The following JAG1 variants were observed in gnomAD, a reference collection of about 807,000 sequenced individuals.
The protein encoded by JAG1 is jagged canonical Notch ligand 1.
In JAG1, 23 loss-of-function variants were observed where a neutral mutation model predicts 148.7. The observed-to-expected ratio is 0.15, with a 90% CI of 0.11 to 0.22. The LOEUF is 0.22. JAG1 is among the 10% of genes least tolerant of loss of function. JAG1 has a pLI of 1.00. For missense variants in JAG1, 1,054 were observed against 1,611.2 expected (o/e 0.65, Z 5.92); for synonymous variants, 572 against 598.3 (o/e 0.96, Z 0.64).
intron 3 of JAG1, among the ~76,000 whole-genome samples, chr20:10,659,956 A>C (rs2067405223): frequency 6.6e-6 from 1 of 152,178 alleles, no homozygotes; most frequent in African/African-American, 2.4e-5. Flanking sequence ...GCACTAAATC[A>C]GCACCCCAAC....
At position 10,649,503 on chromosome 20, in the gene JAG1, T is replaced by C. The variant is rs902071933; in HGVS notation, c.1348+19A>G. 1 of 1,503,262 alleles carries C rather than the reference T, an allele frequency of 6.7e-7. No homozygotes were observed. Among genetic ancestry groups the C allele is most frequent in the Non-Finnish European group, 9.3e-7 (1 of 1,079,112 alleles). 93.1% of individuals were successfully genotyped at this position (1,503,262 alleles called of 1,614,324 possible). ...TACCCAAGTTTCATGAAAATCAAAATGGAAACAAAGTCACTCACTTATGTC... is the reference window on the plus strand; with the variant it reads ...TACCCAAGTTTCATGAAAATCAAAACGGAAACAAAGTCACTCACTTATGTC... On this transcript the variant is annotated intron_variant, in intron 10 of 25. Transcript: ENST00000254958.
chr20:10,664,373 A>AACACACAC (rs59417356), intron 2 of JAG1, among the ~76,000 whole-genome samples: 12,801 of 144,506 alleles, frequency 0.089, 589 homozygotes, highest in Middle Eastern at 0.12. Context: ...TGCATGAGGA[A>AACACACAC]ACACACACAC....
chr20:10,667,175 A>G (rs116059604), intron 2 of JAG1, among the ~76,000 whole-genome samples: 200 of 152,344 alleles, frequency 1.3e-3, no homozygotes, highest in African/African-American at 4.5e-3. Context: ...ATAAACCGCC[A>G]TCCAAACGGC....
chr20:10,654,906 T>C (rs1020327302), intron 5 of JAG1, among the ~76,000 whole-genome samples: 3 of 152,184 alleles, frequency 2.0e-5, no homozygotes, highest in South Asian at 2.1e-4. Context: ...TCCGCTGATA[T>C]CCATCTGAGC....
Position 10,672,943 on chromosome 20 carries a change from G to A in JAG1, c.145C>T (p.Leu49=). ...CCGCCGCAGCAGTTCCCGTTCTGCA[G>A]CTCCCCGTTCACGTTCTGCATGGAC... ...ILSMQNVNGE[L]QNGNCCGGAR... is the part of the protein sequence containing the mutation. The change falls in exon 2 of 26, where the codon CTG becomes TTG. Residue 49 remains leucine (L), a synonymous_variant. Coordinates refer to ENST00000254958, the MANE Select transcript of JAG1 (RefSeq NM_000214.3). 1 of 1,613,038 alleles carries A rather than the reference G, an allele frequency of 6.2e-7. No homozygotes were observed.
chr20:10,673,915 A>AC lies in JAG1; in HGVS notation c.-386dup, dbSNP rs886056519. The stretch of plus-strand genomic sequence containing the variant: ...GGGGAGGGAGGGGAGAAAAAAAAAA[A>AC]CCAGCCTAGCTCGCGGGCCGGCCGC... On this transcript the variant is annotated 5_prime_UTR_variant, in exon 1 of 26. Transcript: ENST00000254958. The surrounding 1 kb of genome is among the most constrained non-coding windows in gnomAD (Gnocchi z 4.7). 3,268 of 151,588 alleles carry AC rather than the reference A, an allele frequency of 0.022. 109 individuals carry two copies. The highest frequency in any genetic ancestry group is 0.074 in the African/African-American group (3,028 of 41,146). 9.4% of individuals were successfully genotyped at this position (151,588 alleles called of 1,614,324 possible).
intron 18 of JAG1, chr20:10,644,616 TGGAA>T: frequency 1.6e-6 from 1 of 642,122 alleles, no homozygotes; most frequent in Middle Eastern, 4.1e-4. Flanking sequence ...GGGGTGAGAA[TGGAA>T]GGAGACAGGC....
At chr20:10,640,118 CTTGATAAGCAA>C (rs1174009701) in intron 25 of JAG1, among the ~76,000 whole-genome samples, 163 bp from the exon 26 acceptor site, 1 of 152,228 alleles carries the variant, frequency 6.6e-6, no homozygotes, top group Non-Finnish European at 1.5e-5. Flanking sequence ...CACTTCACAA[CTTGATAAGCAA>C]ATGCTGGGAT....
chr20:10,653,433 G>T (rs991246474), intron 5 of JAG1, among the ~76,000 whole-genome samples: 2 of 150,738 alleles, frequency 1.3e-5, no homozygotes, highest in African/African-American at 4.9e-5. Context: ...TTCATCTGGG[G>T]TGGGAGAGGG....
At chr20:10,650,171 C>A (rs927704100) in intron 9 of JAG1, 76 bp downstream of exon 9, 3 of 883,536 alleles carry the variant, frequency 3.4e-6, no homozygotes, top group South Asian at 2.8e-5. Flanking sequence ...GCCGGCCACA[C>A]GCTCGTCTTC....
intron 9 of JAG1, 57 bp downstream of exon 9, chr20:10,650,190 C>T: frequency 8.9e-7 from 1 of 1,121,270 alleles, no homozygotes; most frequent in Non-Finnish European, 1.4e-6. Flanking sequence ...TCTGTAATGG[C>T]TTTGACAATC....
At chr20:10,662,144 G>A (rs569403081) in intron 3 of JAG1, 1 of 152,214 alleles carries the variant, frequency 6.6e-6, no homozygotes, top group African/African-American at 2.4e-5. Flanking sequence ...GGTTCACCAA[G>A]TGAGTTTTGA....
At chr20:10,647,889 G>A (rs2067320076) in intron 13 of JAG1, 71 bp downstream of exon 13, 4 of 1,491,638 alleles carry the variant, frequency 2.7e-6, no homozygotes, top group Non-Finnish European at 3.7e-6. Context: ...GTGTAACAAG[G>A]GGCAGTGGTA....
Position 10,641,864 on chromosome 20 carries a change from C to G in JAG1, c.2601G>C (p.Gly867=), listed in dbSNP as rs1433850248. 1.2e-6 allele frequency: 2 copies of G among 1,612,970 alleles called. No individual in the cohort carries two copies. Among genetic ancestry groups the G allele is most frequent in the South Asian group, 1.1e-5 (1 of 91,050 alleles). ...EVSGRPCITM[G]SVIPDGAKWD... ...ATTTGGCCCCATCTGGTATCACACT[C>G]CCCATGGTGATGCAAGGTCTCCCTG... Residue 867 remains glycine (G), a synonymous_variant, in exon 22 of 26, where the codon GGG becomes GGC. Transcript: ENST00000254958.
Position 10,639,352 on chromosome 20 carries a change from C to G in JAG1, c.*146G>C, listed in dbSNP as rs1459287862. 1 of 803,410 alleles carries G rather than the reference C, an allele frequency of 1.2e-6. No homozygotes were observed. The highest frequency in any genetic ancestry group is 2.2e-6 in the Non-Finnish European group (1 of 454,714). 49.8% of individuals were successfully genotyped at this position (803,410 alleles called of 1,614,324 possible). On this transcript the variant is annotated 3_prime_UTR_variant, in exon 26 of 26. Transcript: ENST00000254958. ...TTTCCCAGCCAACCACAGAAACTAC[C>G]ATTGCCAGTGTAAGCCAGCTTGTCA...
intron 12 of JAG1, among the ~76,000 whole-genome samples, 156 bp downstream of exon 12, chr20:10,648,393 A>C (rs1411930271): frequency 6.6e-6 from 1 of 152,194 alleles, no homozygotes; most frequent in Non-Finnish European, 1.5e-5. Flanking sequence ...ATCTCCTTCC[A>C]CCAGCATTTG....
chr20:10,651,942 C>T (rs977926154), intron 7 of JAG1, among the ~76,000 whole-genome samples, 189 bp downstream of exon 7: 4 of 152,148 alleles, frequency 2.6e-5, no homozygotes, highest in Non-Finnish European at 5.9e-5. Context: ...GCCTCCTATA[C>T]GAATCAGCAT....
At chr20:10,644,517 TA>T in intron 18 of JAG1, 133 bp from the exon 19 acceptor site, 1 of 759,904 alleles carries the variant, frequency 1.3e-6, no homozygotes, top group Non-Finnish European at 2.3e-6. Context: ...ATACCTTTGC[TA>T]AATTGGAACC....
intron 20 of JAG1, among the ~76,000 whole-genome samples, chr20:10,643,131 A>G (rs1336404172): frequency 6.6e-6 from 1 of 152,260 alleles, no homozygotes; most frequent in Non-Finnish European, 1.5e-5. Flanking sequence ...GCCCCCATCT[A>G]GTGCTGAAGA....
Sources: gnomAD v4.1 joint callset for allele counts (sites outside exome capture counted in the v4.1 genomes callset) on GRCh38, gnomAD v4.1.1 for gene constraint, Gnocchi (gnomAD v3.1) non-coding constraint, MANE v1.5 for transcripts, NCBI Gene and HGNC (gene_info 2026-07-23, HGNC 2026-07-21) for gene names.